The following ITGA7 variants were observed in gnomAD, a reference collection of about 807,000 sequenced individuals.
The protein encoded by ITGA7 is integrin alpha-7.
ITGA7 carries 84 observed loss-of-function variants against 131.6 expected under a neutral mutation model. The ratio of observed to expected loss-of-function variants is 0.64; its 90% CI spans 0.54 to 0.77. ITGA7 has a LOEUF of 0.77. Among genes scored for constraint, ITGA7 ranks in the 30% least tolerant of loss-of-function variants. The pLI, the probability that ITGA7 is intolerant of heterozygous loss-of-function variation, is 0.00. For synonymous variants in ITGA7, 548 were observed against 600.7 expected (o/e 0.91, Z 1.28); for missense variants, 1,399 against 1,482.9 (o/e 0.94, Z 0.93).
upstream of ITGA7, chr12:55,716,367 C>T: frequency 4.2e-6 from 6 of 1,437,878 alleles, no homozygotes; most frequent in Non-Finnish European, 5.4e-6. Flanking sequence ...CTTTCCCTTG[C>T]CAACTGGCTC....
At chr12:55,714,509 C>T (rs1217285645), upstream of ITGA7, among the ~76,000 whole-genome samples, 2 of 109,422 alleles carry the variant, frequency 1.8e-5, no homozygotes, top group Non-Finnish European at 3.3e-5. Flanking sequence ...CAGAGCGAGA[C>T]TCCGTCTCAA....
chr12:55,701,388 C>T, intron 3 of ITGA7: 1 of 1,551,926 alleles, frequency 6.4e-7, no homozygotes, highest in Non-Finnish European at 8.7e-7. Flanking sequence ...CTTCCTTGCC[C>T]TCAAATGGAG....
rs1488644728 is a variant in ITGA7 at position 55,688,041 on chromosome 12, C to A, written c.3113G>T (p.Trp1038Leu). 12 of 1,614,020 alleles carry A rather than the reference C, an allele frequency of 7.4e-6. No individual in the cohort carries two copies. The highest frequency in any genetic ancestry group is 1.1e-5 in the South Asian group (1 of 91,092). The change falls in exon 24 of 25, where the codon TGG becomes TTG. Residue 1038 changes from tryptophan to leucine, a missense_variant. Physicochemically the swap from Trp to Leu is moderately conservative, Grantham distance 61 (BLOSUM62 -2). Coordinates refer to ENST00000257879, the MANE Select transcript of ITGA7 (RefSeq NM_002206.3). ...PMAVVAEGVP[W>L]WVILLAVLAG... is the part of the protein sequence containing the mutation. The stretch of plus-strand genomic sequence containing the variant: ...CAGTACAGCCAGGAGGATGACCCAC[C>A]AGGGCACTCCTTCTGCCACCACAGC...
upstream of ITGA7, chr12:55,716,116 G>GC (rs777382233): frequency 6.2e-7 from 1 of 1,607,962 alleles, no homozygotes; most frequent in Middle Eastern, 1.7e-4. Flanking sequence ...GGCGTACCCA[G>GC]CCCCCAGCCC....
chr12:55,699,704 C>G (rs771126213), intron 5 of ITGA7, 166 bp downstream of exon 5: 7 of 908,644 alleles, frequency 7.7e-6, no homozygotes, highest in Non-Finnish European at 1.2e-5. Flanking sequence ...CCTCTTAGGC[C>G]TGATCATTGG....
chr12:55,712,343 A>G, upstream of ITGA7: 2 of 986,480 alleles, frequency 2.0e-6, no homozygotes, highest in Non-Finnish European at 1.6e-6. Flanking sequence ...CCACACCACC[A>G]CCAACCCCCT....
chr12:55,696,240 C>G (rs755491403), intron 13 of ITGA7, 43 bp downstream of exon 13: 1 of 1,543,274 alleles, frequency 6.5e-7, no homozygotes, highest in Non-Finnish European at 8.7e-7. Context: ...GATCTTTGCC[C>G]TCCCAGCTCC....
rs138614852 is a variant in ITGA7, at chr12:55,702,816, A to AAC, written c.414+54_414+55dup. On this transcript the variant is annotated intron_variant, in intron 3 of 24. Coordinates refer to ENST00000257879, the MANE Select transcript of ITGA7 (RefSeq NM_002206.3). ...CACCTATGCGTATGCACACACCATA[A>AAC]ACACACACACACACACACCCCATCC... 1,836 of 1,346,476 alleles carry AAC rather than the reference A, an allele frequency of 1.4e-3. 2 individuals are homozygous for AAC. Among genetic ancestry groups the AAC allele is most frequent in the African/African-American group, 0.011 (778 of 69,406 alleles). 83.4% of individuals were successfully genotyped at this position (1,346,476 alleles called of 1,614,324 possible).
At chr12:55,692,999 G>A (rs529943846) in intron 20 of ITGA7, 24 bp from the exon 21 acceptor site, 2 of 1,613,896 alleles carry the variant, frequency 1.2e-6, no homozygotes, top group Non-Finnish European at 1.7e-6. Flanking sequence ...GGGGGTCTTA[G>A]TGAGTGTCCC....
rs200402328 is a variant in ITGA7, at chr12:55,694,442, C to T, written c.2357+1G>A. 154 of 1,614,050 alleles carry T rather than the reference C, an allele frequency of 9.5e-5. No individual in the cohort carries two copies. The highest frequency in any genetic ancestry group is 1.6e-4 in the Middle Eastern group (1 of 6,084). On this transcript the variant is annotated splice_donor_variant, in intron 17 of 24. Coordinates refer to ENST00000257879, the MANE Select transcript of ITGA7 (RefSeq NM_002206.3). LOFTEE classifies it high-confidence loss of function. This position sits in a 1 kb window ranked among gnomAD's most constrained non-coding sequence, Gnocchi z 5.3. ...CACCCTTCCGGCCCCGCCTGGCTTA[C>T]GTGGCCAACAGCAGCTCTACCTCCA...
rs1384316327 is a variant in ITGA7 at position 55,707,616 on chromosome 12, G to A, written c.67C>T (p.Leu23Phe). 3 of 1,611,694 alleles carry A rather than the reference G, an allele frequency of 1.9e-6. No homozygotes were observed. The highest frequency in any genetic ancestry group is 2.2e-5 in the South Asian group (2 of 90,672). ...SGICYLFGSLLVELLFSRAVA... is the reference protein window; with the variant it reads ...SGICYLFGSLFVELLFSRAVA... ...GCCCGTGAGAAGAGCAGTTCGACGAGCAGGGAGCCAAAAAGGTAGCAAATC... is the reference window on the plus strand; with the variant it reads ...GCCCGTGAGAAGAGCAGTTCGACGAACAGGGAGCCAAAAAGGTAGCAAATC... Residue 23 changes from leucine (L) to phenylalanine (F), a missense_variant, in exon 1 of 25, where the codon CTC becomes TTC. Leu to Phe is a conservative substitution (Grantham distance 22). Transcript: ENST00000257879.
At chr12:55,686,067 C>T in intron 24 of ITGA7, 2 of 421,204 alleles carry the variant, frequency 4.7e-6, no homozygotes, top group Non-Finnish European at 8.7e-6. Context: ...AATTACCTCT[C>T]ACCTCACATC....
intron 21 of ITGA7, among the ~76,000 whole-genome samples, chr12:55,691,670 G>A (rs1468843264): frequency 6.6e-6 from 1 of 152,128 alleles, no homozygotes; most frequent in Non-Finnish European, 1.5e-5. Context: ...CCATTTAAAA[G>A]GGAGGCCTCT....
rs1413324580 is a variant in ITGA7, at chr12:55,703,429, C to CACAA, written c.207-252_207-251insTTGT. On this transcript the variant is annotated intron_variant, in intron 1 of 24. Transcript: ENST00000257879. ...CATACACAGTAGATACACACACACA[C>CACAA]ACACACACACACATACACGCCAACC... is the stretch of plus-strand genomic sequence containing the variant. 3.3e-5 allele frequency among the ~76,000 whole-genome samples: 5 copies of CACAA among 150,654 alleles called. No homozygotes were observed. In the East Asian group the frequency reaches 9.7e-4, roughly 29 times the overall value.
Position 55,700,998 on chromosome 12 carries a change from G to A in ITGA7, c.571C>T (p.His191Tyr), listed in dbSNP as rs984817118. 22 of 1,614,106 alleles carry A rather than the reference G, an allele frequency of 1.4e-5. No individual in the cohort carries two copies. The highest frequency in any genetic ancestry group is 2.7e-5 in the African/African-American group (2 of 74,928). Residue 191 changes from histidine (H) to tyrosine (Y), a missense_variant, in exon 4 of 25, where the codon CAT becomes TAT. Transcript: ENST00000257879. ...TGCTGGCAGAACCCAAATTGTTCAT[G>A]GCCTTGGGGGCGTCCCTCACAGAAC... ...WKFCEGRPQG[H>Y]EQFGFCQQGT...
intron 10 of ITGA7, 66 bp from the exon 11 acceptor site, chr12:55,697,343 C>G: frequency 1.3e-6 from 2 of 1,575,900 alleles, no homozygotes; most frequent in Non-Finnish European, 8.7e-7. Flanking sequence ...ACCCCCACCC[C>G]ATCTGTCACA....
intron 5 of ITGA7, chr12:55,699,533 A>G: frequency 2.5e-6 from 1 of 392,612 alleles, no homozygotes; most frequent in South Asian, 2.4e-5. Context: ...CCCTTTCTTC[A>G]ATATGTGCCC....
chr12:55,699,358 A>G (rs1873437653), intron 5 of ITGA7, among the ~76,000 whole-genome samples: 1 of 151,678 alleles, frequency 6.6e-6, no homozygotes, highest in South Asian at 2.1e-4. Context: ...CTTTCCCCCA[A>G]CTCCCTCATC....
chr12:55,710,534 T>G (rs192545482), upstream of ITGA7, among the ~76,000 whole-genome samples: 6 of 152,074 alleles, frequency 3.9e-5, no homozygotes, highest in Non-Finnish European at 7.4e-5. Context: ...CCCAGCACTT[T>G]GAGAGGCCAA....
Sources: allele counts gnomAD v4.1 joint callset (sites outside exome capture counted in the v4.1 genomes callset), GRCh38; gene constraint gnomAD v4.1.1; non-coding constraint Gnocchi (gnomAD v3.1); transcripts MANE v1.5; gene names NCBI Gene and HGNC (gene_info 2026-07-23, HGNC 2026-07-21).